CTNNA3: variants seen among roughly 807,000 people sequenced by gnomAD.
The protein encoded by CTNNA3 is catenin alpha 3.
A neutral mutation model predicts 95.7 loss-of-function variants in CTNNA3; 76 were observed. The ratio of observed to expected loss-of-function variants is 0.79; its 90% CI spans 0.66 to 0.96. The LOEUF is 0.96. Ranked by LOEUF, CTNNA3 falls within the 40% of genes least tolerant of loss-of-function variation. The pLI is 0.00. For synonymous variants in CTNNA3, 431 were observed against 374.4 expected, an observed-to-expected ratio of 1.15 and a Z score of -1.74; for missense variants, 1,191 against 1,089.8, an observed-to-expected ratio of 1.09 and a Z score of -1.31.
intron 3 of CTNNA3, among the ~76,000 whole-genome samples, chr10:67,567,646 T>C (rs1299366465): frequency 6.6e-6 from 1 of 152,108 alleles, no homozygotes; most frequent in Non-Finnish European, 1.5e-5. Context: ...TGCAGTCTAA[T>C]GTCTATAGCC....
intron 10 of CTNNA3, among the ~76,000 whole-genome samples, chr10:66,522,408 A>T (rs1841097725): frequency 6.6e-6 from 1 of 152,010 alleles, no homozygotes; most frequent in South Asian, 2.1e-4. Context: ...CCCATATGTC[A>T]TGGGAGGGAC....
chr10:66,870,765 G>T (rs1019623672), intron 7 of CTNNA3, among the ~76,000 whole-genome samples: 1 of 152,124 alleles, frequency 6.6e-6, no homozygotes, highest in African/African-American at 2.4e-5. Context: ...TATTGTAAAT[G>T]TGCAGTTCAA....
At chr10:66,383,558 A>G (rs1431828633) in intron 11 of CTNNA3, among the ~76,000 whole-genome samples, 2 of 152,206 alleles carry the variant, frequency 1.3e-5, no homozygotes, top group African/African-American at 4.8e-5. Context: ...CCAACCTAGC[A>G]AGGCAGGCCA....
chr10:66,676,114 C>A (rs1192758785), intron 9 of CTNNA3, among the ~76,000 whole-genome samples: 1 of 91,262 alleles, frequency 1.1e-5, no homozygotes, highest in Non-Finnish European at 2.7e-5. Context: ...TTAAAACACA[C>A]ACACACACAC....
chr10:67,562,426 C>G (rs188890753), intron 3 of CTNNA3, among the ~76,000 whole-genome samples: 1 of 152,052 alleles, frequency 6.6e-6, no homozygotes. Context: ...AGGCCTTTCA[C>G]AAAATTCAAC....
intron 3 of CTNNA3, among the ~76,000 whole-genome samples, chr10:67,580,545 T>C (rs1301050270): frequency 3.3e-5 from 5 of 151,822 alleles, no homozygotes; most frequent in African/African-American, 1.2e-4. Flanking sequence ...ATGCGGGCTC[T>C]TTTTTGGTTC....
chr10:67,067,286 T>C (rs1224084108), intron 7 of CTNNA3, among the ~76,000 whole-genome samples: 1 of 125,920 alleles, frequency 7.9e-6, no homozygotes, highest in Non-Finnish European at 1.7e-5. Context: ...ACAAATGGAA[T>C]AATTCAGTAA....
chr10:65,933,542 C>CA (rs1361559303), intron 17 of CTNNA3, among the ~76,000 whole-genome samples: 1 of 151,694 alleles, frequency 6.6e-6, no homozygotes, highest in Non-Finnish European at 1.5e-5. Flanking sequence ...TGCATCATAG[C>CA]AAAAAAACGA....
chr10:67,751,531 T>TA (rs1380040947), intron 1 of CTNNA3, among the ~76,000 whole-genome samples: 2 of 148,622 alleles, frequency 1.3e-5, no homozygotes, highest in Non-Finnish European at 3.0e-5. Context: ...AGATAAATAA[T>TA]AAAAAATAAT....
intron 9 of CTNNA3, among the ~76,000 whole-genome samples, chr10:66,748,964 G>A (rs1839003922): frequency 6.6e-6 from 1 of 151,584 alleles, no homozygotes; most frequent in Non-Finnish European, 1.5e-5. Flanking sequence ...CCTGAGATCA[G>A]GAGTTCAAGA....
chr10:67,684,167 G>C (rs1000743061), intron 1 of CTNNA3, among the ~76,000 whole-genome samples: 2 of 152,188 alleles, frequency 1.3e-5, no homozygotes, highest in African/African-American at 4.8e-5. Flanking sequence ...ACAGAGTGCT[G>C]ATTGGTCCGT....
intron 13 of CTNNA3, among the ~76,000 whole-genome samples, chr10:66,227,572 G>T (rs576862385): frequency 6.6e-6 from 1 of 152,084 alleles, no homozygotes; most frequent in African/African-American, 2.4e-5. Context: ...GATTTCATTT[G>T]TTAGTTTTTT....
At chr10:66,735,986 T>G (rs535064487) in intron 9 of CTNNA3, among the ~76,000 whole-genome samples, 1 of 152,282 alleles carries the variant, frequency 6.6e-6, no homozygotes, top group African/African-American at 2.4e-5. Flanking sequence ...ATGCTTCCCA[T>G]TTGGCGGCTG....
chr10:67,041,538 G>A (rs1028642149), intron 7 of CTNNA3, among the ~76,000 whole-genome samples: 9 of 152,014 alleles, frequency 5.9e-5, no homozygotes, highest in Admixed American at 1.3e-4. Context: ...GTTTTCAGAC[G>A]CAGTTTGGAA....
intron 15 of CTNNA3, among the ~76,000 whole-genome samples, chr10:66,058,132 C>T (rs1420512891): frequency 2.0e-5 from 3 of 152,032 alleles, no homozygotes; most frequent in South Asian, 4.1e-4. Flanking sequence ...GAAAGCAAAA[C>T]GAGTCATGTG....
At chr10:67,452,061 TGGAAGGAAGGAAGGAAGGAA>T (rs59544939) in intron 5 of CTNNA3, among the ~76,000 whole-genome samples, 5 of 121,006 alleles carry the variant, frequency 4.1e-5, no homozygotes, top group African/African-American at 1.2e-4. Context: ...GAGGGAGGAA[TGGAAGGAAGGAAGGAAGGAA>T]GGAAGGAAGG....
chr10:67,469,889 T>C (rs1056314132), intron 5 of CTNNA3, among the ~76,000 whole-genome samples: 1 of 152,196 alleles, frequency 6.6e-6, no homozygotes, highest in Non-Finnish European at 1.5e-5. Flanking sequence ...TATAATCACA[T>C]CATGTAAAAT....
At chr10:66,784,260 C>T (rs900715991) in intron 7 of CTNNA3, among the ~76,000 whole-genome samples, 1 of 152,044 alleles carries the variant, frequency 6.6e-6, no homozygotes, top group Non-Finnish European at 1.5e-5. Context: ...ATTAAAGCCT[C>T]CACTTTAAAG....
At chr10:67,516,037 T>A (rs1045954185) in intron 5 of CTNNA3, among the ~76,000 whole-genome samples, 2 of 152,186 alleles carry the variant, frequency 1.3e-5, no homozygotes, top group East Asian at 1.9e-4. Flanking sequence ...ATCTCATCTA[T>A]CTGCAACCTC....
Sources: allele counts gnomAD v4.1 joint callset (sites outside exome capture counted in the v4.1 genomes callset), GRCh38; gene constraint gnomAD v4.1.1; transcripts MANE v1.5; gene names NCBI Gene and HGNC (gene_info 2026-07-23, HGNC 2026-07-21).